Variants in RGS17 observed in about 807,000 individuals in gnomAD.
RGS17 encodes regulator of G-protein signaling 17.
Under a neutral mutation model 25.5 loss-of-function variants are expected in RGS17, and 12 were observed. That is an observed-to-expected ratio of 0.47 (90% CI 0.30 to 0.76). The LOEUF (loss-of-function observed/expected upper bound fraction) is 0.76, where lower values mean the gene tolerates loss of function less well. RGS17 is among the 30% of genes least tolerant of loss of function. The probability of loss-of-function intolerance (pLI) is 0.07; values close to 1 mark genes in which losing one functional copy is unlikely to be tolerated. For missense variants in RGS17, 196 were observed against 242.2 expected (o/e 0.81, Z 1.27); for synonymous variants, 71 against 76.9 (o/e 0.92, Z 0.40).
chr6:153,069,098 G>A (rs955101272), intron 1 of RGS17, among the ~76,000 whole-genome samples: 1 of 152,148 alleles, frequency 6.6e-6, no homozygotes, highest in Non-Finnish European at 1.5e-5. Context: ...CAACCCCACT[G>A]CTGGGTACAT....
At position 153,053,905 on chromosome 6, in the gene RGS17, T is replaced by C. The variant is rs375315361; in HGVS notation, c.-25-9862A>G. On this transcript the variant is annotated intron_variant, in intron 1 of 4. Transcript: ENST00000206262. ...ATATTTTCTTTTTCACATACATACA[T>C]ACACACATTATATATATATGTATAT... Among the ~76,000 whole-genome samples, 23 of 124,570 alleles carry C rather than the reference T, an allele frequency of 1.8e-4. 1 individual carries two copies. In the South Asian group the frequency reaches 2.1e-3, roughly 12 times the overall value. 81.7% of individuals were successfully genotyped at this position (124,570 alleles called of 152,430 possible). A position where few individuals can be genotyped will look rare whatever the true frequency, so the allele number is the denominator to read the frequency against.
intron 1 of RGS17, among the ~76,000 whole-genome samples, chr6:153,102,609 T>C (rs189656164): frequency 6.6e-6 from 1 of 152,286 alleles, no homozygotes; most frequent in Admixed American, 6.5e-5. Flanking sequence ...ACGCTGTCAA[T>C]GTCACAGAGA....
Position 153,006,220 on chromosome 6 carries a change from T to G in RGS17, c.*5354A>C, listed in dbSNP as rs999811429. ...TAAAGAAAATCATACCACCTTAATA[T>G]TAAAAAGAGTGTTTTCTAATTGTCA... is the stretch of plus-strand genomic sequence containing the variant. On this transcript the variant is annotated 3_prime_UTR_variant, in exon 5 of 5. Transcript: ENST00000206262. 6.6e-6 allele frequency: 1 copy of G among 152,174 alleles called. No homozygotes were observed. Among genetic ancestry groups the G allele is most frequent in the Non-Finnish European group, 1.5e-5 (1 of 68,026 alleles). The allele number at this position is 152,174 out of a possible 1,614,324, so 9.4% of individuals were successfully genotyped here.
intron 1 of RGS17, among the ~76,000 whole-genome samples, chr6:153,070,890 T>C (rs867878663): frequency 5.3e-5 from 8 of 150,198 alleles, no homozygotes; most frequent in Non-Finnish European, 1.0e-4. Flanking sequence ...TACGCATATG[T>C]ACATATGCGT....
At chr6:153,095,922 T>C (rs1050394172) in intron 1 of RGS17, among the ~76,000 whole-genome samples, 4 of 152,146 alleles carry the variant, frequency 2.6e-5, no homozygotes, top group Non-Finnish European at 5.9e-5. Context: ...CCAATTAACA[T>C]GGTAGGCATC....
chr6:153,079,961 A>G (rs1776949321), intron 1 of RGS17, among the ~76,000 whole-genome samples: 1 of 151,994 alleles, frequency 6.6e-6, no homozygotes, highest in South Asian at 2.1e-4. Context: ...AGTTATAGAG[A>G]CATTTAGATT....
At chr6:153,011,816 A>C in intron 4 of RGS17, 54 bp from the exon 5 acceptor site, 8 of 1,301,272 alleles carry the variant, frequency 6.1e-6, no homozygotes, top group Non-Finnish European at 8.5e-6. Flanking sequence ...AAAAGACCTC[A>C]ATTAAGTAAC....
intron 1 of RGS17, among the ~76,000 whole-genome samples, chr6:153,064,898 G>A (rs763103806): frequency 1.3e-5 from 2 of 151,956 alleles, no homozygotes; most frequent in African/African-American, 2.4e-5. Flanking sequence ...AGAAGAAAGA[G>A]AAGACCACAG....
chr6:153,109,814 G>A (rs377153638), intron 1 of RGS17, among the ~76,000 whole-genome samples: 3 of 152,226 alleles, frequency 2.0e-5, no homozygotes, highest in Admixed American at 1.3e-4. Flanking sequence ...CCTTTTGCTT[G>A]TCCGGAACCT....
chr6:153,041,061 A>G (rs1776315794), intron 2 of RGS17, among the ~76,000 whole-genome samples: 1 of 150,270 alleles, frequency 6.7e-6, no homozygotes, highest in Non-Finnish European at 1.5e-5. Context: ...GCTACTGGGG[A>G]GGCTGAGGAG....
rs1027243213 is a variant in RGS17 at position 153,006,325 on chromosome 6, ATGT to A, written c.*5246_*5248del. 12 of 152,694 alleles carry A rather than the reference ATGT, an allele frequency of 7.9e-5. No homozygotes were observed. Among genetic ancestry groups the A allele is most frequent in the African/African-American group, 2.9e-4 (12 of 41,584 alleles). 9.5% of individuals were successfully genotyped at this position (152,694 alleles called of 1,614,324 possible). A position where few individuals can be genotyped will look rare whatever the true frequency, so the allele number is the denominator to read the frequency against. ...TTTGATATTATTTCTGTCCTTGGGA[ATGT>A]TGTTTTATTTCCTTTGGAAATAAAA... On this transcript the variant is annotated 3_prime_UTR_variant, in exon 5 of 5. Transcript: ENST00000206262.
At chr6:153,053,719 G>A (rs1173532925) in intron 1 of RGS17, among the ~76,000 whole-genome samples, 1 of 151,274 alleles carries the variant, frequency 6.6e-6, no homozygotes, top group Admixed American at 6.6e-5. Flanking sequence ...CTTCAACCCA[G>A]GTGTTCGAGG....
intron 1 of RGS17, among the ~76,000 whole-genome samples, chr6:153,090,204 G>A (rs1282278239): frequency 2.0e-5 from 3 of 152,194 alleles, no homozygotes; most frequent in Non-Finnish European, 2.9e-5. Context: ...GTTACTGAAG[G>A]TGTTTGCTTC....
At chr6:153,020,111 A>AATATATATATATAT (rs1779227259) in intron 4 of RGS17, among the ~76,000 whole-genome samples, 10 of 58,460 alleles carry the variant, frequency 1.7e-4, no homozygotes, top group South Asian at 8.7e-4. Flanking sequence ...AAAAAAAAAA[A>AATATATATATATAT]ATATATATAT....
chr6:153,065,012 T>G (rs1156762471), intron 1 of RGS17, among the ~76,000 whole-genome samples: 6 of 152,116 alleles, frequency 3.9e-5, no homozygotes, highest in African/African-American at 1.4e-4. Context: ...ACAGAGTGCC[T>G]GAATGGATAA....
chr6:153,065,147 A>C (rs1207033372), intron 1 of RGS17, among the ~76,000 whole-genome samples: 1 of 152,190 alleles, frequency 6.6e-6, no homozygotes, highest in Non-Finnish European at 1.5e-5. Context: ...GAGCAGGAGT[A>C]GCTACACTTA....
At chr6:153,096,332 A>C (rs1400789543) in intron 1 of RGS17, among the ~76,000 whole-genome samples, 1 of 152,248 alleles carries the variant, frequency 6.6e-6, no homozygotes, top group East Asian at 1.9e-4. Context: ...AATGTTATTT[A>C]GCCTCTCTGG....
chr6:153,104,557 C>G (rs911133826), intron 1 of RGS17, among the ~76,000 whole-genome samples: 6 of 152,162 alleles, frequency 3.9e-5, no homozygotes, highest in African/African-American at 1.4e-4. Flanking sequence ...AAAGCTGTTG[C>G]ACATGTCAGA....
chr6:153,046,855 G>GA (rs1289919676), intron 1 of RGS17, among the ~76,000 whole-genome samples: 50 of 152,074 alleles, frequency 3.3e-4, no homozygotes, highest in African/African-American at 1.1e-3. Context: ...AGAACTGGAA[G>GA]AAAACAAAAC....
Sources: allele counts gnomAD v4.1 joint callset (sites outside exome capture counted in the v4.1 genomes callset), GRCh38; gene constraint gnomAD v4.1.1; transcripts MANE v1.5; gene names NCBI Gene and HGNC (gene_info 2026-07-23, HGNC 2026-07-21).